TBCE: variants seen among roughly 807,000 people sequenced by gnomAD.
TBCE encodes the protein tubulin-specific chaperone E.
TBCE carries 53 observed loss-of-function variants against 77.0 expected under a neutral mutation model. The observed-to-expected ratio is 0.69, with a 90% CI of 0.55 to 0.87. The LOEUF (loss-of-function observed/expected upper bound fraction) is 0.87, where lower values mean the gene tolerates loss of function less well. Among genes scored for constraint, TBCE ranks in the 40% least tolerant of loss-of-function variants. The pLI, the probability that TBCE is intolerant of heterozygous loss-of-function variation, is 0.00. For synonymous variants in TBCE, 235 were observed against 241.3 expected (o/e 0.97, Z 0.24); for missense variants, 624 against 622.4 (o/e 1.00, Z -0.03).
chr1:235,415,397 A>AAG (rs1182015714), intron 4 of TBCE: 1 of 152,228 alleles, frequency 6.6e-6, no homozygotes, highest in Non-Finnish European at 1.5e-5. Flanking sequence ...GCTTGAATCA[A>AAG]AGAGAGAGAA....
chr1:235,384,720 G>A (rs955895861), intron 2 of TBCE, among the ~76,000 whole-genome samples: 2 of 151,924 alleles, frequency 1.3e-5, no homozygotes, highest in Non-Finnish European at 2.9e-5. Flanking sequence ...CTTTTTATTA[G>A]TCTTGCTAGC....
intron 16 of TBCE, 56 bp downstream of exon 16, chr1:235,448,496 C>A: frequency 1.3e-6 from 2 of 1,529,676 alleles, no homozygotes; most frequent in Non-Finnish European, 1.8e-6. Context: ...CGTATTATGA[C>A]ATTAAACTGT....
In TBCE at chr1:235,438,877, G is replaced by C; in HGVS notation, c.1225G>C (p.Glu409Gln). 1 of 1,614,136 alleles carries C rather than the reference G, an allele frequency of 6.2e-7. No individual in the cohort carries two copies. Among genetic ancestry groups the C allele is most frequent in the Non-Finnish European group, 8.5e-7 (1 of 1,180,018 alleles). Reference sequence around the variant, plus strand: ...GGATCCGGAAAAAAACAGACTCAGCGAAGAATTCCTCACAGCCCATCCCAG... The same window carrying C: ...GGATCCGGAAAAAAACAGACTCAGCCAAGAATTCCTCACAGCCCATCCCAG... Reference protein sequence around the residue: ...HKDPEKNRLSEEFLTAHPRYQ... With the variant: ...HKDPEKNRLSQEFLTAHPRYQ... The change falls in exon 13 of 17, where the codon GAA becomes CAA. Residue 409 changes from glutamate to glutamine, a missense_variant. Coordinates refer to ENST00000642610, the MANE Select transcript of TBCE (RefSeq NM_003193.5).
chr1:235,442,753 G>C (rs1681982010), intron 14 of TBCE, 99 bp from the exon 15 acceptor site: 13 of 1,164,536 alleles, frequency 1.1e-5, no homozygotes, highest in African/African-American at 1.5e-5. Context: ...AATTTGCACT[G>C]AATACCTCTA....
At position 235,376,411 on chromosome 1, in the gene TBCE, A is replaced by AG. The variant is rs201355358; in HGVS notation, c.-31-3607dup. 5.1e-3 allele frequency among the ~76,000 whole-genome samples: 769 copies of AG among 152,236 alleles called. 18 individuals are homozygous for AG. The highest frequency in any genetic ancestry group is 0.041 in the Admixed American group (626 of 15,274). ...CTTAAGCTGAGCCCCAGCTGGAAAG[A>AG]GCCTCAGACTGATTATGGGGCCTTG... On this transcript the variant is annotated intron_variant, in intron 1 of 16. Coordinates refer to ENST00000642610, the MANE Select transcript of TBCE (RefSeq NM_003193.5).
intron 1 of TBCE, among the ~76,000 whole-genome samples, chr1:235,378,873 A>C (rs182317426): frequency 6.6e-6 from 1 of 151,976 alleles, no homozygotes; most frequent in African/African-American, 2.4e-5. Context: ...GAAAAGAAAA[A>C]AAGAAAGTGA....
At chr1:235,432,870 T>A in intron 7 of TBCE, 4 of 561,758 alleles carry the variant, frequency 7.1e-6, no homozygotes, top group Non-Finnish European at 9.3e-6. Context: ...ATATATATAT[T>A]ATATATTATT....
In TBCE at chr1:235,374,496, C is replaced by T. The variant is rs1300786416; in HGVS notation, c.-31-5523C>T. On this transcript the variant is annotated intron_variant, in intron 1 of 16. Transcript: ENST00000642610. ...AGCAGAAATGGTAACAAATGGCCTT[C>T]CATATTTATTTATTTATTTTTTGAG... Among the ~76,000 whole-genome samples, 3 of 144,946 alleles carry T rather than the reference C, an allele frequency of 2.1e-5. 1 individual carries two copies. The highest frequency in any genetic ancestry group is 8.0e-5 in the African/African-American group (3 of 37,376).
At chr1:235,430,163 G>A (rs16832608) in intron 6 of TBCE, 3,453 of 154,978 alleles carry the variant, frequency 0.022, 140 homozygotes, top group African/African-American at 0.078. Flanking sequence ...CTGGAAATAC[G>A]GGCTTGTGTT....
At chr1:235,373,133 C>A (rs1324748072) in intron 1 of TBCE, among the ~76,000 whole-genome samples, 1 of 151,532 alleles carries the variant, frequency 6.6e-6, no homozygotes, top group Non-Finnish European at 1.5e-5. Flanking sequence ...GAGTTAAAGA[C>A]CAGCCTGGAT....
chr1:235,450,440 T>C lies in TBCE; in HGVS notation c.*1678T>C. Reference sequence around the variant, plus strand: ...CAGCTTTTATGTATTCTAATGATGCTGAAATTATTTCAAGGATAACTCCGT... The same window carrying C: ...CAGCTTTTATGTATTCTAATGATGCCGAAATTATTTCAAGGATAACTCCGT... On this transcript the variant is annotated 3_prime_UTR_variant, in exon 17 of 17. Coordinates refer to ENST00000642610, the MANE Select transcript of TBCE (RefSeq NM_003193.5). 2.2e-6 allele frequency: 3 copies of C among 1,382,808 alleles called. No individual in the cohort carries two copies. The highest frequency in any genetic ancestry group is 3.0e-6 in the Non-Finnish European group (3 of 1,002,104). 85.7% of individuals were successfully genotyped at this position (1,382,808 alleles called of 1,614,324 possible).
intron 2 of TBCE, 121 bp from the exon 3 acceptor site, chr1:235,401,382 T>C (rs1679091256): frequency 3.7e-6 from 3 of 801,748 alleles, no homozygotes; most frequent in Non-Finnish European, 6.5e-6. Flanking sequence ...GTCCATTCCC[T>C]CCTCCCCAAG....
chr1:235,432,690 A>G (rs1681175255), intron 7 of TBCE, among the ~76,000 whole-genome samples: 2 of 152,070 alleles, frequency 1.3e-5, no homozygotes, highest in Non-Finnish European at 2.9e-5. Context: ...GAAGTGGTGG[A>G]GATGGCAGTA....
chr1:235,388,214 AC>A (rs2102829795), intron 2 of TBCE, among the ~76,000 whole-genome samples: 1 of 152,060 alleles, frequency 6.6e-6, no homozygotes, highest in East Asian at 1.9e-4. Flanking sequence ...AGGTCTTAAA[AC>A]TTTTATATAG....
At chr1:235,420,053 C>T (rs1461216377) in intron 5 of TBCE, among the ~76,000 whole-genome samples, 1 of 151,944 alleles carries the variant, frequency 6.6e-6, no homozygotes, top group Non-Finnish European at 1.5e-5. Flanking sequence ...CCAGTGCACT[C>T]AGCCTGGAGA....
rs560048352 is a variant in TBCE, at chr1:235,450,386, T to G, written c.*1624T>G. The G allele has an allele frequency of 6.3e-7, 1 of 1,598,052 alleles. No individual in the cohort carries two copies. The highest frequency in any genetic ancestry group is 8.6e-7 in the Non-Finnish European group (1 of 1,167,026). ...CCGATCTGAGAGTGGTGAAACTGTT[T>G]TAAGAGCATCAGAAAGTATGCACGT... On this transcript the variant is annotated 3_prime_UTR_variant, in exon 17 of 17. Coordinates refer to ENST00000642610, the MANE Select transcript of TBCE (RefSeq NM_003193.5).
rs1680774881 is a variant in TBCE, at chr1:235,427,243, T to C, written c.560+4T>C. ...ACCTGGAAGTCCTTAATGTCAGGTATGAACTCTTGGTTGCTGAATCTTCAT... is the reference window on the plus strand; with the variant it reads ...ACCTGGAAGTCCTTAATGTCAGGTACGAACTCTTGGTTGCTGAATCTTCAT... On this transcript the variant is annotated splice_donor_region_variant and intron_variant, in intron 6 of 16. Transcript: ENST00000642610. 6.3e-7 allele frequency: 1 copy of C among 1,597,554 alleles called. No individual in the cohort carries two copies. Among genetic ancestry groups the C allele is most frequent in the Non-Finnish European group, 8.6e-7 (1 of 1,165,386 alleles).
intron 1 of TBCE, among the ~76,000 whole-genome samples, chr1:235,370,586 C>G (rs1484530956): frequency 6.8e-6 from 1 of 147,666 alleles, no homozygotes. Context: ...TCTTATTGTA[C>G]TTCCCTGTAA....
intron 5 of TBCE, among the ~76,000 whole-genome samples, chr1:235,419,764 G>A (rs1680294560): frequency 6.6e-6 from 1 of 152,160 alleles, no homozygotes; most frequent in African/African-American, 2.4e-5. Context: ...GCATGTTCAG[G>A]TGGAAGTTTC....
Sources: allele counts gnomAD v4.1 joint callset (sites outside exome capture counted in the v4.1 genomes callset), GRCh38; gene constraint gnomAD v4.1.1; transcripts MANE v1.5; gene names NCBI Gene and HGNC (gene_info 2026-07-23, HGNC 2026-07-21).